TXK: variants seen among roughly 807,000 people sequenced by gnomAD.
TXK encodes the protein TXK tyrosine kinase, also known as tyrosine-protein kinase TXK.
Under a neutral mutation model 81.0 loss-of-function variants are expected in TXK, and 60 were observed. That is an observed-to-expected ratio of 0.74 (90% CI 0.60 to 0.92). TXK has a LOEUF of 0.92. Ranked by LOEUF, TXK falls within the 40% of genes least tolerant of loss-of-function variation. TXK has a pLI of 0.00. For missense variants in TXK, 581 were observed against 638.3 expected (o/e 0.91, Z 0.97); for synonymous variants, 203 against 210.7 (o/e 0.96, Z 0.32).
At chr4:48,109,047 A>G (rs1391333640) in intron 5 of TXK, among the ~76,000 whole-genome samples, 2 of 152,220 alleles carry the variant, frequency 1.3e-5, no homozygotes, top group Non-Finnish European at 2.9e-5. Context: ...AGAGATTTTC[A>G]TATAATATCT....
At chr4:48,118,925 T>A (rs926051563) in intron 1 of TXK, among the ~76,000 whole-genome samples, 1 of 152,312 alleles carries the variant, frequency 6.6e-6, no homozygotes, top group Non-Finnish European at 1.5e-5. Context: ...ATAAAGGGAC[T>A]AATTACAAAG....
At chr4:48,074,430 C>T (rs746362135) in intron 12 of TXK, among the ~76,000 whole-genome samples, 13 of 152,274 alleles carry the variant, frequency 8.5e-5, no homozygotes, top group African/African-American at 2.9e-4. Context: ...AAAGACCACT[C>T]TTCTTAAAAT....
intron 1 of TXK, 79 bp downstream of exon 1, chr4:48,134,076 A>G: frequency 1.3e-6 from 2 of 1,556,342 alleles, no homozygotes; most frequent in Admixed American, 1.9e-5. Context: ...CTTGGAAAAA[A>G]AAAACTTCCT....
intron 1 of TXK, among the ~76,000 whole-genome samples, chr4:48,129,674 A>G (rs1025938301): frequency 3.3e-5 from 5 of 152,206 alleles, no homozygotes; most frequent in Admixed American, 6.5e-5. Context: ...CTCCCCAGAC[A>G]CGGACAGCAG....
At chr4:48,116,918 C>T (rs964571785) in intron 1 of TXK, among the ~76,000 whole-genome samples, 12 of 152,182 alleles carry the variant, frequency 7.9e-5, no homozygotes, top group Admixed American at 2.0e-4. Flanking sequence ...AGTCTCACTG[C>T]GTCGGCCAGG....
At chr4:48,097,798 A>G (rs1718041508) in intron 6 of TXK, among the ~76,000 whole-genome samples, 1 of 141,734 alleles carries the variant, frequency 7.1e-6, no homozygotes, top group Non-Finnish European at 1.5e-5. Context: ...CCCGGGCTGG[A>G]GTGCAGTGGC....
chr4:48,104,948 G>A lies in TXK; in HGVS notation c.454C>T (p.His152Tyr), dbSNP rs147480759. ...GCCTGATTTCTGGTAATGTTTCTAT[G>A]GTACCACCTGTAAAAGCAATAAAAA... ...ITNLEIYEWY[H>Y]RNITRNQAEH... Residue 152 changes from histidine to tyrosine, a missense_variant, in exon 6 of 15, where the codon CAT becomes TAT. His to Tyr is a moderately conservative substitution (Grantham distance 83). Transcript: ENST00000264316. 2 of 1,583,236 alleles carry A rather than the reference G, an allele frequency of 1.3e-6. No individual in the cohort carries two copies. Among genetic ancestry groups the A allele is most frequent in the East Asian group, 2.3e-5 (1 of 43,372 alleles).
chr4:48,124,276 A>G (rs1313394331), intron 1 of TXK, among the ~76,000 whole-genome samples: 2 of 151,816 alleles, frequency 1.3e-5, no homozygotes, highest in Non-Finnish European at 2.9e-5. Flanking sequence ...CCTCCCTTCT[A>G]ACACCCACAC....
chr4:48,112,309 C>G lies in TXK; in HGVS notation c.378G>C (p.Leu126Phe). Residue 126 changes from leucine (L) to phenylalanine (F), a missense_variant and splice_region_variant, in exon 4 of 15, where the codon TTG (leucine) becomes TTC (phenylalanine). Leu to Phe is a conservative substitution (Grantham distance 22). Transcript: ENST00000264316. ...NPHWWKARDR[L>F]GNEGLIPSNY... ...ACTAAGTCATGTAAGTGTCTTACCC[C>G]AAACGGTCTCTTGCCTTCCACCAGT... The G allele has an allele frequency of 6.2e-7, 1 of 1,614,052 alleles. No homozygotes were observed. The highest frequency in any genetic ancestry group is 8.5e-7 in the Non-Finnish European group (1 of 1,179,918).
In TXK at chr4:48,067,501, G is replaced by T; in HGVS notation, c.*136C>A. Reference sequence around the variant, plus strand: ...TAAATTTTTAAAACTTTTAAAAACTGTGATCTTTGCACTGTTTTCAAGAGT... The same window carrying T: ...TAAATTTTTAAAACTTTTAAAAACTTTGATCTTTGCACTGTTTTCAAGAGT... On this transcript the variant is annotated 3_prime_UTR_variant, in exon 15 of 15. Transcript: ENST00000264316. 1.1e-6 allele frequency: 1 copy of T among 884,892 alleles called. No individual in the cohort carries two copies. The highest frequency in any genetic ancestry group is 1.8e-6 in the Non-Finnish European group (1 of 561,782). 54.8% of individuals were successfully genotyped at this position (884,892 alleles called of 1,614,324 possible).
At chr4:48,134,066 C>G in intron 1 of TXK, 89 bp downstream of exon 1, 1 of 1,492,768 alleles carries the variant, frequency 6.7e-7, no homozygotes, top group South Asian at 1.2e-5. Flanking sequence ...AGCTCTATGC[C>G]TTGGAAAAAA....
intron 10 of TXK, among the ~76,000 whole-genome samples, chr4:48,083,822 G>A (rs1004929194): frequency 3.3e-5 from 5 of 152,190 alleles, no homozygotes; most frequent in South Asian, 2.1e-4. Context: ...AAGCTTCAGA[G>A]TATGACAAGT....
chr4:48,094,246 C>A, intron 7 of TXK, 42 bp from the exon 8 acceptor site: 2 of 1,604,604 alleles, frequency 1.2e-6, no homozygotes, highest in South Asian at 1.1e-5. Context: ...TGTGAAAGAT[C>A]AATTTGGATC....
In TXK at chr4:48,066,522, T is replaced by C. The variant is rs532690284; in HGVS notation, c.*1115A>G. 1 of 152,332 alleles carries C rather than the reference T, an allele frequency of 6.6e-6. No individual in the cohort carries two copies. Among genetic ancestry groups the C allele is most frequent in the South Asian group, 2.1e-4 (1 of 4,828 alleles). 9.4% of individuals were successfully genotyped at this position (152,332 alleles called of 1,614,324 possible). A position where few individuals can be genotyped will look rare whatever the true frequency, so the allele number is the denominator to read the frequency against. ...AACAAATAAACTCTAATGAGAATCA[T>C]AAAGCTTGTTCCCAGAGAACCATGA... is the stretch of plus-strand genomic sequence containing the variant. On this transcript the variant is annotated 3_prime_UTR_variant, in exon 15 of 15. Transcript: ENST00000264316.
At chr4:48,067,845 C>T in intron 14 of TXK, 140 bp from the exon 15 acceptor site, 1 of 794,552 alleles carries the variant, frequency 1.3e-6, no homozygotes, top group Non-Finnish European at 2.0e-6. Context: ...TTCACTCATG[C>T]AAAAATTCAA....
intron 9 of TXK, among the ~76,000 whole-genome samples, chr4:48,088,630 T>C (rs532542406): frequency 8.2e-4 from 125 of 152,344 alleles, no homozygotes; most frequent in African/African-American, 2.9e-3. Flanking sequence ...AATCAATCTA[T>C]AGACTTATGA....
At chr4:48,071,767 G>A in intron 13 of TXK, 93 bp from the exon 14 acceptor site, 1 of 1,442,028 alleles carries the variant, frequency 6.9e-7, no homozygotes, top group East Asian at 2.3e-5. Flanking sequence ...CATTATTTTT[G>A]TGCTCCAGGC....
chr4:48,131,615 G>C (rs916416558), intron 1 of TXK, among the ~76,000 whole-genome samples: 9 of 152,272 alleles, frequency 5.9e-5, no homozygotes, highest in African/African-American at 2.2e-4. Flanking sequence ...CAAATTAACA[G>C]AAGCTGGAAA....
intron 10 of TXK, among the ~76,000 whole-genome samples, chr4:48,082,728 T>A (rs770490047): frequency 6.6e-6 from 1 of 152,088 alleles, no homozygotes; most frequent in Admixed American, 6.6e-5. Context: ...CCTGTACCCA[T>A]ACAAATCGCA....
Sources: allele counts gnomAD v4.1 joint callset (sites outside exome capture counted in the v4.1 genomes callset), GRCh38; gene constraint gnomAD v4.1.1; transcripts MANE v1.5; gene names NCBI Gene and HGNC (gene_info 2026-07-23, HGNC 2026-07-21).